The following CCDC102A variants were observed in gnomAD, a reference collection of about 807,000 sequenced individuals.
CCDC102A encodes coiled-coil domain containing 102A, also known as coiled-coil domain-containing protein 102A.
CCDC102A carries 40 observed loss-of-function variants against 55.5 expected under a neutral mutation model. That is an observed-to-expected ratio of 0.72 (90% CI 0.56 to 0.94). The LOEUF is 0.94. Ranked by LOEUF, CCDC102A falls within the 40% of genes least tolerant of loss-of-function variation. CCDC102A has a pLI of 0.00. For synonymous variants in CCDC102A, 323 were observed against 339.0 expected (o/e 0.95, Z 0.52); for missense variants, 779 against 768.6 (o/e 1.01, Z -0.16).
At chr16:57,517,300 C>T (rs1380617823) in intron 6 of CCDC102A, among the ~76,000 whole-genome samples, 2 of 152,154 alleles carry the variant, frequency 1.3e-5, no homozygotes, top group East Asian at 1.9e-4. Context: ...CCCCTAAATC[C>T]GCACACTACC....
At chr16:57,523,743 C>T (rs1223031769) in intron 3 of CCDC102A, among the ~76,000 whole-genome samples, 2 of 151,684 alleles carry the variant, frequency 1.3e-5, no homozygotes, top group South Asian at 2.1e-4. Flanking sequence ...GTCAGGAGTT[C>T]GAGACCAGCC....
intron 2 of CCDC102A, 115 bp downstream of exon 2, chr16:57,528,478 T>C (rs1210863323): frequency 7.8e-6 from 6 of 765,000 alleles, no homozygotes; most frequent in Non-Finnish European, 9.8e-6. Context: ...CCTGGAGAAG[T>C]GAAACCTCCA....
At chr16:57,524,363 C>A (rs1046794126) in intron 3 of CCDC102A, among the ~76,000 whole-genome samples, 1 of 152,024 alleles carries the variant, frequency 6.6e-6, no homozygotes, top group Admixed American at 6.6e-5. Flanking sequence ...CACCTCCCCA[C>A]AATGTGAGCT....
rs377523198 is a variant in CCDC102A, at chr16:57,518,119, T to C, written c.1197A>G (p.Ala399=). The C allele has an allele frequency of 1.7e-5, 27 of 1,608,982 alleles. No homozygotes were observed. In the African/African-American group the frequency reaches 2.8e-4, roughly 17 times the overall value. ...GGCTGGCCCTCAGGTCGCAGTCCAG[T>C]GCGCTGGCTGTTTGCCGCCGCCGCC... The part of the protein sequence containing the change: ...LARRRRQTAS[A]LDCDLRASQA... Residue 399 remains alanine (A), a synonymous_variant, in exon 6 of 9, where the codon GCA becomes GCG. Coordinates refer to ENST00000258214, the MANE Select transcript of CCDC102A (RefSeq NM_033212.4).
intron 1 of CCDC102A, among the ~76,000 whole-genome samples, chr16:57,533,237 A>G (rs2032303740): frequency 6.6e-6 from 1 of 151,848 alleles, no homozygotes; most frequent in South Asian, 2.1e-4. Flanking sequence ...CAGCACTCCC[A>G]CCTTTGCACT....
At chr16:57,520,277 C>T (rs1299803711) in intron 4 of CCDC102A, among the ~76,000 whole-genome samples, 5 of 152,204 alleles carry the variant, frequency 3.3e-5, no homozygotes, top group South Asian at 2.1e-4. Context: ...ACCTTTGCAC[C>T]GCTGTGCCTT....
chr16:57,519,434 G>A (rs2032010678), intron 4 of CCDC102A, among the ~76,000 whole-genome samples: 1 of 152,222 alleles, frequency 6.6e-6, no homozygotes, highest in Non-Finnish European at 1.5e-5. Context: ...TCGTTGTATG[G>A]CCTGGGCACA....
intron 8 of CCDC102A, 95 bp from the exon 9 acceptor site, chr16:57,512,965 TG>T: frequency 9.6e-7 from 1 of 1,040,810 alleles, no homozygotes. Flanking sequence ...AAGCCTTCCC[TG>T]GTGCTTTCCC....
intron 4 of CCDC102A, among the ~76,000 whole-genome samples, chr16:57,520,674 C>T (rs2032034524): frequency 6.6e-6 from 1 of 151,524 alleles, no homozygotes; most frequent in Admixed American, 6.6e-5. Context: ...GGCACTGTGG[C>T]TTACACCTGT....
intron 4 of CCDC102A, among the ~76,000 whole-genome samples, chr16:57,519,144 G>A (rs1204191587): frequency 1.3e-5 from 2 of 152,092 alleles, no homozygotes; most frequent in Admixed American, 6.5e-5. Flanking sequence ...CCTACCCGCC[G>A]CTCCCCCTTA....
intron 1 of CCDC102A, among the ~76,000 whole-genome samples, chr16:57,536,195 C>G (rs1005684269): frequency 6.6e-6 from 1 of 152,146 alleles, no homozygotes; most frequent in Non-Finnish European, 1.5e-5. Flanking sequence ...TCCCAAATTC[C>G]GTCCCCGCCC....
rs2032136912 is a variant in CCDC102A at position 57,526,069 on chromosome 16, C to A, written c.644G>T (p.Trp215Leu). Reference sequence around the variant, plus strand: ...CCCAGCCCCCAGGCTGCGCGCCTCCCAGCAGTCCTCAGACTCCTCTGGCAT... The same window carrying A: ...CCCAGCCCCCAGGCTGCGCGCCTCCAAGCAGTCCTCAGACTCCTCTGGCAT... Reference protein sequence around the residue: ...KSMPEESEDCWEARSLGAGGP... With the variant: ...KSMPEESEDCLEARSLGAGGP... Residue 215 changes from tryptophan to leucine, a missense_variant, in exon 3 of 9, where the codon TGG becomes TTG. By Grantham distance (61) the Trp-to-Leu change is moderately conservative. Coordinates refer to ENST00000258214, the MANE Select transcript of CCDC102A (RefSeq NM_033212.4). 1 of 1,586,670 alleles carries A rather than the reference C, an allele frequency of 6.3e-7. No individual in the cohort carries two copies. Among genetic ancestry groups the A allele is most frequent in the East Asian group, 2.3e-5 (1 of 44,274 alleles).
At chr16:57,521,387 C>G (rs1471533195) in intron 3 of CCDC102A, among the ~76,000 whole-genome samples, 1 of 152,192 alleles carries the variant, frequency 6.6e-6, no homozygotes, top group Non-Finnish European at 1.5e-5. Context: ...GTGCAAGTGC[C>G]CAGCTCACAT....
chr16:57,521,205 C>A (rs776630791), intron 3 of CCDC102A, 29 bp from the exon 4 acceptor site: 1 of 1,539,496 alleles, frequency 6.5e-7, no homozygotes, highest in Non-Finnish European at 9.0e-7. Context: ...TGGGGGTGAG[C>A]CCACCAAGGC....
intron 7 of CCDC102A, among the ~76,000 whole-genome samples, chr16:57,515,941 A>T (rs1404073920): frequency 6.7e-6 from 1 of 149,398 alleles, no homozygotes; most frequent in East Asian, 2.0e-4. Flanking sequence ...CCATCTGTCC[A>T]CTCTCTACCC....
intron 3 of CCDC102A, among the ~76,000 whole-genome samples, chr16:57,524,111 T>G (rs1244995027): frequency 6.6e-6 from 1 of 152,014 alleles, no homozygotes. Flanking sequence ...CACTGGACAG[T>G]GTTTTCCAGT....
At position 57,512,520 on chromosome 16, in the gene CCDC102A, G is replaced by GCA. The variant is rs2031881151; in HGVS notation, c.*220_*221insTG. On this transcript the variant is annotated 3_prime_UTR_variant, in exon 9 of 9. Coordinates refer to ENST00000258214, the MANE Select transcript of CCDC102A (RefSeq NM_033212.4). Reference sequence around the variant, plus strand: ...TCCAAAGACTTCTGGGTGTGCGCGCGCGCGCGCGCGTGTGTGTATATATAT... The same window carrying GCA: ...TCCAAAGACTTCTGGGTGTGCGCGCGCACGCGCGCGCGTGTGTGTATATATAT... The GCA allele has an allele frequency of 4.3e-6, 2 of 466,360 alleles. No homozygotes were observed. The highest frequency in any genetic ancestry group is 3.4e-5 in the East Asian group (1 of 29,534). The allele number at this position is 466,360 out of a possible 1,614,324, so 28.9% of individuals were successfully genotyped here.
chr16:57,536,806 C>T (rs1441420396), upstream of CCDC102A, among the ~76,000 whole-genome samples: 5 of 152,266 alleles, frequency 3.3e-5, no homozygotes, highest in South Asian at 8.3e-4. Flanking sequence ...GAGGCCCCAC[C>T]CCCGTGAGGG....
intron 3 of CCDC102A, among the ~76,000 whole-genome samples, chr16:57,524,575 TA>T (rs755245537): frequency 6.8e-6 from 1 of 148,130 alleles, no homozygotes; most frequent in East Asian, 2.0e-4. Flanking sequence ...AGGCTCTGTC[TA>T]AAAAAAATAT....
Sources: gnomAD v4.1 joint callset for allele counts (sites outside exome capture counted in the v4.1 genomes callset) on GRCh38, gnomAD v4.1.1 for gene constraint, MANE v1.5 for transcripts, NCBI Gene and HGNC (gene_info 2026-07-23, HGNC 2026-07-21) for gene names.